The following DOK6 variants were observed in gnomAD, a reference collection of about 807,000 sequenced individuals.
The protein encoded by DOK6 is docking protein 6, also known as downstream of tyrosine kinase 6.
A neutral mutation model predicts 44.0 loss-of-function variants in DOK6; 22 were observed. That is an observed-to-expected ratio of 0.50 (90% CI 0.36 to 0.71). The LOEUF (loss-of-function observed/expected upper bound fraction) is 0.71. Among genes scored for constraint, DOK6 ranks in the 30% least tolerant of loss-of-function variants. DOK6 has a pLI of 0.00. For missense variants in DOK6, 340 were observed against 416.4 expected, an observed-to-expected ratio of 0.82 and a Z score of 1.60; for synonymous variants, 166 against 145.5, an observed-to-expected ratio of 1.14 and a Z score of -1.01.
intron 5 of DOK6, among the ~76,000 whole-genome samples, chr18:69,702,847 A>G (rs1035054119): frequency 7.2e-5 from 11 of 152,214 alleles, no homozygotes; most frequent in Non-Finnish European, 1.3e-4. Context: ...CTGAATGAGA[A>G]TAAAAGAAGC....
In DOK6 at chr18:69,846,949, T is replaced by C. The variant is rs1341540399; in HGVS notation, c.*5566T>C. On this transcript the variant is annotated 3_prime_UTR_variant, in exon 8 of 8. Transcript: ENST00000382713. ...AGACAATGATTTAAATTAACTGAAG[T>C]TTAAATAAGAAATATGTTAAAATTA... 6.6e-6 allele frequency: 1 copy of C among 152,100 alleles called. No individual in the cohort carries two copies. The highest frequency in any genetic ancestry group is 1.5e-5 in the Non-Finnish European group (1 of 68,020). The allele number at this position is 152,100 out of a possible 1,614,324, so 9.4% of individuals were successfully genotyped here.
chr18:69,557,737 A>G (rs1459664633), intron 1 of DOK6, among the ~76,000 whole-genome samples: 1 of 152,136 alleles, frequency 6.6e-6, no homozygotes, highest in Non-Finnish European at 1.5e-5. Flanking sequence ...TTTGAATGAG[A>G]AAGTGAAATC....
intron 2 of DOK6, among the ~76,000 whole-genome samples, chr18:69,576,101 G>T (rs944805225): frequency 7.9e-5 from 12 of 152,098 alleles, no homozygotes; most frequent in African/African-American, 2.9e-4. Context: ...TGTAAATTTG[G>T]TCATAGTTGC....
rs4426448 is a variant in DOK6, at chr18:69,698,432, A to G, written c.438A>G (p.Thr146=). 0.47 allele frequency: 749,955 copies of G among 1,612,720 alleles called. 176,726 individuals are homozygous for G. The highest frequency in any genetic ancestry group is 0.68 in the East Asian group (30,423 of 44,830). ...NERFNVYLMP[T]PNLDIYGECT... ...GATTCAACGTGTATCTTATGCCTAC[A>G]CCAAACCTGGATATTTATGGTGAAT... The change falls in exon 5 of 8, where the codon ACA becomes ACG. Residue 146 remains threonine (T), a synonymous_variant. Coordinates refer to ENST00000382713, the MANE Select transcript of DOK6 (RefSeq NM_152721.6).
chr18:69,698,409 T>A lies in DOK6; in HGVS notation c.415T>A (p.Phe139Ile), dbSNP rs769537641. ...AGVQREQNER[F>I]NVYLMPTPNL... ...CATTCTTCGTCTCTTCACAGAGAGA[T>A]TCAACGTGTATCTTATGCCTACACC... The change falls in exon 5 of 8, where the codon TTC (phenylalanine) becomes ATC (isoleucine). Residue 139 changes from phenylalanine (F) to isoleucine (I), a missense_variant. Coordinates refer to ENST00000382713, the MANE Select transcript of DOK6 (RefSeq NM_152721.6). The A allele has an allele frequency of 1.9e-6, 3 of 1,610,884 alleles. No homozygotes were observed. In the South Asian group the frequency reaches 3.3e-5, roughly 18 times the overall value.
intron 1 of DOK6, among the ~76,000 whole-genome samples, chr18:69,560,494 G>C (rs17189646): frequency 0.19 from 28,716 of 151,988 alleles, 3,102 homozygotes; most frequent in Middle Eastern, 0.35. Flanking sequence ...GTGAAATATA[G>C]TAGGAACTCA....
intron 3 of DOK6, among the ~76,000 whole-genome samples, chr18:69,646,402 G>C (rs8092966): frequency 0.4 from 61,538 of 151,946 alleles, 13,184 homozygotes; most frequent in East Asian, 0.66. Context: ...GTTACAGTTT[G>C]CCTCTGATTT....
At chr18:69,627,753 C>T (rs899460442) in intron 3 of DOK6, among the ~76,000 whole-genome samples, 12 of 152,244 alleles carry the variant, frequency 7.9e-5, no homozygotes, top group Admixed American at 7.8e-4. Context: ...CTGGCCTCAC[C>T]TTCCTAAACT....
intron 1 of DOK6, among the ~76,000 whole-genome samples, chr18:69,518,124 A>T (rs932440352): frequency 6.6e-6 from 1 of 152,102 alleles, no homozygotes; most frequent in Admixed American, 6.6e-5. Context: ...TTTACTTAGG[A>T]TGCTTTTCAG....
chr18:69,506,743 C>A lies in DOK6; in HGVS notation c.67-57744C>A, dbSNP rs1981198429. ...TTGTGTGGGAACATATTTTAATTTTCTTGATAAATACCCAGACGTGGGGTT... is the reference window on the plus strand; with the variant it reads ...TTGTGTGGGAACATATTTTAATTTTATTGATAAATACCCAGACGTGGGGTT... On this transcript the variant is annotated intron_variant, in intron 1 of 7. Transcript: ENST00000382713. 2.0e-5 allele frequency among the ~76,000 whole-genome samples: 3 copies of A among 151,872 alleles called. No homozygotes were observed. The South Asian group carries it at 6.2e-4, about 32-fold the overall frequency.
chr18:69,835,964 T>C (rs1431277960), intron 7 of DOK6, among the ~76,000 whole-genome samples: 2 of 152,212 alleles, frequency 1.3e-5, no homozygotes, highest in Non-Finnish European at 2.9e-5. Flanking sequence ...TCATAGTATA[T>C]ATCAAGAATA....
chr18:69,431,819 T>A (rs1978814221), intron 1 of DOK6, among the ~76,000 whole-genome samples: 1 of 152,184 alleles, frequency 6.6e-6, no homozygotes, highest in South Asian at 2.1e-4. Context: ...CTTTTTAATT[T>A]GAGATAGTTT....
intron 3 of DOK6, among the ~76,000 whole-genome samples, chr18:69,653,821 T>C (rs1472367798): frequency 1.3e-5 from 2 of 152,034 alleles, no homozygotes; most frequent in Non-Finnish European, 2.9e-5. Context: ...CGCTATAATG[T>C]TTCAAACATA....
chr18:69,471,282 G>A (rs1980098477), intron 1 of DOK6, among the ~76,000 whole-genome samples: 1 of 139,998 alleles, frequency 7.1e-6, no homozygotes, highest in South Asian at 2.2e-4. Flanking sequence ...AAAAAAAAGG[G>A]GTGATTTCAG....
chr18:69,434,779 A>G (rs866753836), intron 1 of DOK6, among the ~76,000 whole-genome samples: 1 of 151,634 alleles, frequency 6.6e-6, no homozygotes, highest in Non-Finnish European at 1.5e-5. Context: ...AAAATTAGCT[A>G]GGCACTGTGG....
intron 2 of DOK6, among the ~76,000 whole-genome samples, chr18:69,569,514 A>T (rs1448518512): frequency 6.6e-6 from 1 of 152,216 alleles, no homozygotes; most frequent in Non-Finnish European, 1.5e-5. Context: ...CCTCAAGATA[A>T]AAAATACTAT....
At chr18:69,595,642 T>C (rs948001663) in intron 2 of DOK6, among the ~76,000 whole-genome samples, 3 of 152,300 alleles carry the variant, frequency 2.0e-5, no homozygotes, top group African/African-American at 7.2e-5. Context: ...GAATTCATGT[T>C]TCTCTGATAG....
At chr18:69,426,029 T>C (rs1978626266) in intron 1 of DOK6, among the ~76,000 whole-genome samples, 2 of 152,194 alleles carry the variant, frequency 1.3e-5, no homozygotes, top group African/African-American at 4.8e-5. Flanking sequence ...TCCATTCACC[T>C]GGATTGTTAT....
chr18:69,764,736 C>T (rs938499985), intron 7 of DOK6, among the ~76,000 whole-genome samples: 3 of 152,150 alleles, frequency 2.0e-5, no homozygotes, highest in African/African-American at 7.2e-5. Flanking sequence ...TATTTTCACA[C>T]AAAATAACGT....
Sources: gnomAD v4.1 joint callset for allele counts (sites outside exome capture counted in the v4.1 genomes callset) on GRCh38, gnomAD v4.1.1 for gene constraint, MANE v1.5 for transcripts, NCBI Gene and HGNC (gene_info 2026-07-23, HGNC 2026-07-21) for gene names.